ECM2: variants seen among roughly 807,000 people sequenced by gnomAD.
The protein encoded by ECM2 is extracellular matrix protein 2.
A neutral mutation model predicts 67.5 loss-of-function variants in ECM2; 57 were observed. The observed-to-expected ratio is 0.84, with a 90% CI of 0.68 to 1.05. ECM2 has a LOEUF of 1.05. ECM2 is among the 50% of genes least tolerant of loss of function. The pLI, the probability that ECM2 is intolerant of heterozygous loss-of-function variation, is 0.00. For missense variants in ECM2, 741 were observed against 822.8 expected, an observed-to-expected ratio of 0.90 and a Z score of 1.22; for synonymous variants, 258 against 294.5, an observed-to-expected ratio of 0.88 and a Z score of 1.27.
the ECM2 span, among the ~76,000 whole-genome samples, chr9:92,546,686 G>T: frequency 1.3e-5 from 2 of 152,132 alleles, no homozygotes; most frequent in South Asian, 2.1e-4. Context: ...AGGGTCCGCG[G>T]CTTCATTCTT....
At chr9:92,549,989 G>C in the ECM2 span, among the ~76,000 whole-genome samples, 10 of 152,174 alleles carry the variant, frequency 6.6e-5, 1 homozygote, top group East Asian at 1.9e-3. Flanking sequence ...CCTTGAAGTC[G>C]CAGGTAACTA....
the ECM2 span, among the ~76,000 whole-genome samples, chr9:92,546,817 A>C: frequency 6.6e-6 from 1 of 152,252 alleles, no homozygotes; most frequent in Non-Finnish European, 1.5e-5. Context: ...TAAAATTGTC[A>C]CAAGAAGAAT....
intron 8 of ECM2, among the ~76,000 whole-genome samples, chr9:92,501,804 C>T (rs558647671): frequency 3.3e-5 from 5 of 152,292 alleles, no homozygotes; most frequent in African/African-American, 7.2e-5. Context: ...TTCCAGGACA[C>T]GCAATCCCAG....
chr9:92,524,205 C>T (rs1029455998), intron 1 of ECM2, among the ~76,000 whole-genome samples: 7 of 151,996 alleles, frequency 4.6e-5, no homozygotes, highest in African/African-American at 7.3e-5. Context: ...GGGGGAAGGG[C>T]GTGATGGTGC....
At chr9:92,516,468 T>C (rs1847730380) in intron 3 of ECM2, among the ~76,000 whole-genome samples, 1 of 152,204 alleles carries the variant, frequency 6.6e-6, no homozygotes, top group South Asian at 2.1e-4. Context: ...ACTCAGGAAA[T>C]ATAATTATTT....
intron 1 of ECM2, among the ~76,000 whole-genome samples, chr9:92,534,348 C>T (rs1175845354): frequency 2.6e-5 from 4 of 152,158 alleles, no homozygotes; most frequent in African/African-American, 9.7e-5. Flanking sequence ...CTTCATCTGC[C>T]AGAATCATCT....
the ECM2 span, among the ~76,000 whole-genome samples, chr9:92,553,106 T>G: frequency 2.3e-4 from 35 of 152,352 alleles, 1 homozygote; most frequent in African/African-American, 8.4e-4. Flanking sequence ...GAGATGATGA[T>G]CCAGTTTTAT....
In ECM2 at chr9:92,514,687, A is replaced by G. The variant is rs1847574123; in HGVS notation, c.998T>C (p.Met333Thr). ...TGTCAGCGGTGGTATCTGGGTAAGC[A>G]TGGCGTTGATGCAGCTGATGGTCCT... Reference protein sequence around the residue: ...SYRTISCINAMLTQIPPLTAP... With the variant: ...SYRTISCINATLTQIPPLTAP... The change falls in exon 4 of 10, where the codon ATG (methionine) becomes ACG (threonine). Residue 333 changes from methionine to threonine, a missense_variant. Physicochemically the swap from Met to Thr is moderately conservative, Grantham distance 81 (BLOSUM62 -1). Transcript: ENST00000344604. 1.2e-6 allele frequency: 2 copies of G among 1,611,432 alleles called. No homozygotes were observed. Among genetic ancestry groups the G allele is most frequent in the Non-Finnish European group, 1.7e-6 (2 of 1,178,224 alleles).
At chr9:92,547,480 A>G in the ECM2 span, among the ~76,000 whole-genome samples, 2 of 152,268 alleles carry the variant, frequency 1.3e-5, no homozygotes, top group African/African-American at 4.8e-5. Flanking sequence ...AATAAAAAGG[A>G]ATGTCATACT....
intron 2 of ECM2, among the ~76,000 whole-genome samples, chr9:92,518,948 C>G (rs1847896708): frequency 6.6e-6 from 1 of 152,110 alleles, no homozygotes; most frequent in African/African-American, 2.4e-5. Context: ...TCCCTACATA[C>G]AAGATTGTAG....
In ECM2 at chr9:92,495,983, A is replaced by G. The variant is rs539485414; in HGVS notation, c.*332T>C. On this transcript the variant is annotated 3_prime_UTR_variant, in exon 10 of 10. Coordinates refer to ENST00000344604, the MANE Select transcript of ECM2 (RefSeq NM_001393.4). ...AAAGGGACTTACAGAGTTCTCAGCT[A>G]ACACCAGTATTCAAGTTGATTATAA... The G allele has an allele frequency of 3.0e-6, 3 of 993,034 alleles. No individual in the cohort carries two copies. In the East Asian group the frequency reaches 3.2e-4, roughly 108 times the overall value. 61.5% of individuals were successfully genotyped at this position (993,034 alleles called of 1,614,324 possible). A position where few individuals can be genotyped will look rare whatever the true frequency, so the allele number is the denominator to read the frequency against.
At chr9:92,531,538 C>CT (rs1306357266) in intron 1 of ECM2, among the ~76,000 whole-genome samples, 1 of 152,034 alleles carries the variant, frequency 6.6e-6, no homozygotes, top group Non-Finnish European at 1.5e-5. Context: ...CCAGATAATT[C>CT]TTTTTTTATG....
intron 8 of ECM2, among the ~76,000 whole-genome samples, chr9:92,501,640 G>A (rs933655464): frequency 7.9e-5 from 12 of 152,192 alleles, no homozygotes. Flanking sequence ...CCCCACCTGA[G>A]TCTCCTAAGG....
At chr9:92,549,172 A>G in the ECM2 span, among the ~76,000 whole-genome samples, 1 of 152,184 alleles carries the variant, frequency 6.6e-6, no homozygotes, top group Non-Finnish European at 1.5e-5. Flanking sequence ...CACTCATAGG[A>G]AAATGGGCTA....
At chr9:92,517,558 T>C in intron 3 of ECM2, 129 bp downstream of exon 3, 1 of 1,244,178 alleles carries the variant, frequency 8.0e-7, no homozygotes, top group Non-Finnish European at 1.1e-6. Flanking sequence ...TTAATCAGCA[T>C]TTTGCCAATA....
At chr9:92,546,287 C>T in the ECM2 span, among the ~76,000 whole-genome samples, 3 of 152,164 alleles carry the variant, frequency 2.0e-5, no homozygotes, top group Non-Finnish European at 4.4e-5. Context: ...CCAGATAAGG[C>T]AATAAAAGCA....
chr9:92,517,927 CTG>C (rs774375073), intron 2 of ECM2, 52 bp from the exon 3 acceptor site: 281 of 1,602,370 alleles, frequency 1.8e-4, no homozygotes, highest in Non-Finnish European at 2.2e-4. Context: ...TTATCAGTAA[CTG>C]TGAATGGAAG....
At chr9:92,539,984 A>AAATGCCCAT (rs1214621477), upstream of ECM2, among the ~76,000 whole-genome samples, 27 of 152,352 alleles carry the variant, frequency 1.8e-4, no homozygotes, top group East Asian at 5.0e-3. Flanking sequence ...GAAATATATA[A>AAATGCCCAT]AATGCCCATT....
chr9:92,528,257 T>C (rs574340057), intron 1 of ECM2, among the ~76,000 whole-genome samples: 2 of 152,268 alleles, frequency 1.3e-5, no homozygotes, highest in Admixed American at 6.5e-5. Context: ...GCAAATCAAA[T>C]GCCCGGAGAG....
Sources: allele counts gnomAD v4.1 joint callset (sites outside exome capture counted in the v4.1 genomes callset), GRCh38; gene constraint gnomAD v4.1.1; transcripts MANE v1.5; gene names NCBI Gene and HGNC (gene_info 2026-07-23, HGNC 2026-07-21).